TPRX1: variants seen among roughly 807,000 people sequenced by gnomAD.
The protein encoded by TPRX1 is tetra-peptide repeat homeobox protein 1.
Under a neutral mutation model 8.1 loss-of-function variants are expected in TPRX1, and 2 were observed. The observed-to-expected ratio is 0.25, with a 90% CI of 0.10 to 0.78. TPRX1 has a LOEUF of 0.78. Ranked by LOEUF, TPRX1 falls within the 30% of genes least tolerant of loss-of-function variation. The pLI is 0.70. For synonymous variants in TPRX1, 257 were observed against 254.1 expected (o/e 1.01, Z -0.11); for missense variants, 517 against 586.9 (o/e 0.88, Z 1.23).
exon 4 of TPRX1, chr19:47,802,100 G>A (rs77144450): frequency 0.048 from 76,855 of 1,589,378 alleles, 2,212 homozygotes; most frequent in East Asian, 0.093. Context: ...GCCTAAAATC[G>A]GGGCTAGGCC....
intron 2 of TPRX1, chr19:47,818,455 A>AAC (rs1304583810): frequency 4.4e-6 from 2 of 455,686 alleles, no homozygotes; most frequent in Admixed American, 2.4e-5. Flanking sequence ...ACATTTATTG[A>AAC]ACACACACTT....
At chr19:47,808,090 C>T (rs1032837392) in intron 2 of TPRX1, among the ~76,000 whole-genome samples, 2 of 151,358 alleles carry the variant, frequency 1.3e-5, no homozygotes, top group South Asian at 2.1e-4. Context: ...CCACCATGTC[C>T]GGGTAATTTT....
chr19:47,817,872 G>T (rs562247072), intron 2 of TPRX1, among the ~76,000 whole-genome samples: 1 of 152,326 alleles, frequency 6.6e-6, no homozygotes, highest in East Asian at 1.9e-4. Flanking sequence ...CCATGTTCAG[G>T]GCCCTCCCTT....
intron 1 of TPRX1, chr19:47,818,648 C>A: frequency 2.3e-6 from 1 of 430,862 alleles, no homozygotes; most frequent in Non-Finnish European, 4.7e-6. Flanking sequence ...GCACCCCCAT[C>A]CTGCAGTAGA....
intron 2 of TPRX1, among the ~76,000 whole-genome samples, chr19:47,815,154 ATATATATAT>A (rs1568617429): frequency 9.4e-5 from 8 of 85,484 alleles, no homozygotes; most frequent in African/African-American, 3.1e-4. Context: ...GCAAATATAT[ATATATATAT>A]TTTTTTTTTT....
At chr19:47,810,344 A>ATTTTTT (rs762098389) in intron 2 of TPRX1, among the ~76,000 whole-genome samples, 3 of 93,346 alleles carry the variant, frequency 3.2e-5, no homozygotes, top group Non-Finnish European at 6.6e-5. Flanking sequence ...TTATCCATCA[A>ATTTTTT]TTTTTTTTTT....
At chr19:47,818,335 AT>A (rs1427682834) in intron 2 of TPRX1, 6,912 of 316,668 alleles carry the variant, frequency 0.022, 1,204 homozygotes, top group African/African-American at 0.2. Context: ...CCATCCATCC[AT>A]CCATCATCCA....
intron 2 of TPRX1, among the ~76,000 whole-genome samples, chr19:47,808,037 C>T (rs1350665731): frequency 2.0e-5 from 3 of 152,128 alleles, no homozygotes; most frequent in Non-Finnish European, 4.4e-5. Context: ...TTAAGCGATC[C>T]TGCAACCTCA....
At chr19:47,809,866 G>C (rs1967766796) in intron 2 of TPRX1, among the ~76,000 whole-genome samples, 1 of 152,050 alleles carries the variant, frequency 6.6e-6, no homozygotes, top group African/African-American at 2.4e-5. Flanking sequence ...CAAATTCCTA[G>C]AGTCAGGTGG....
exon 4 of TPRX1, chr19:47,802,211 C>A: frequency 6.2e-7 from 1 of 1,610,924 alleles, no homozygotes; most frequent in Non-Finnish European, 8.5e-7. Flanking sequence ...GGGAATCGGG[C>A]CTATAATTGG....
At chr19:47,807,583 G>C (rs1967746405) in intron 2 of TPRX1, among the ~76,000 whole-genome samples, 1 of 152,106 alleles carries the variant, frequency 6.6e-6, no homozygotes, top group African/African-American at 2.4e-5. Context: ...ATGTTAGCCA[G>C]GCTAGTCTCG....
chr19:47,818,366 A>AC (rs755790012), intron 2 of TPRX1: 18 of 227,838 alleles, frequency 7.9e-5, no homozygotes, highest in African/African-American at 6.7e-4. Flanking sequence ...CCATCCATCC[A>AC]TCATCCATCA....
intron 2 of TPRX1, among the ~76,000 whole-genome samples, chr19:47,808,450 G>A (rs189617785): frequency 6.7e-6 from 1 of 149,754 alleles, no homozygotes; most frequent in East Asian, 2.0e-4. Flanking sequence ...TATTGAGACC[G>A]AGTCTCGATC....
At chr19:47,808,306 G>A (rs976196737) in intron 2 of TPRX1, among the ~76,000 whole-genome samples, 3 of 151,922 alleles carry the variant, frequency 2.0e-5, no homozygotes, top group African/African-American at 7.3e-5. Context: ...GTAGAGACGG[G>A]GTTTCACTGT....
intron 2 of TPRX1, among the ~76,000 whole-genome samples, chr19:47,815,675 G>A (rs1967833683): frequency 6.8e-6 from 1 of 147,696 alleles, no homozygotes; most frequent in Admixed American, 6.7e-5. Context: ...AAGCAGGTGT[G>A]GTGGTGTGCA....
At chr19:47,817,251 A>G (rs1354063299) in intron 2 of TPRX1, among the ~76,000 whole-genome samples, 6 of 152,190 alleles carry the variant, frequency 3.9e-5, no homozygotes, top group African/African-American at 1.4e-4. Context: ...CATGAACCAC[A>G]GACCTTGGGA....
intron 2 of TPRX1, among the ~76,000 whole-genome samples, chr19:47,818,313 C>A (rs1967865679): frequency 2.1e-5 from 1 of 46,832 alleles, no homozygotes; most frequent in Non-Finnish European, 3.9e-5. Flanking sequence ...CATCCATCAC[C>A]CATCCATCCA....
chr19:47,818,095 C>T (rs980100031), intron 2 of TPRX1, among the ~76,000 whole-genome samples: 1 of 152,238 alleles, frequency 6.6e-6, no homozygotes, highest in African/African-American at 2.4e-5. Context: ...ACAGTCTGAC[C>T]TCACAGTGCT....
At chr19:47,817,929 C>G (rs1484238720) in intron 2 of TPRX1, among the ~76,000 whole-genome samples, 2 of 152,246 alleles carry the variant, frequency 1.3e-5, no homozygotes, top group Non-Finnish European at 2.9e-5. Context: ...GCTCCTCTGT[C>G]CAGTGAGGAC....
Sources: allele counts gnomAD v4.1 joint callset (sites outside exome capture counted in the v4.1 genomes callset), GRCh38; gene constraint gnomAD v4.1.1; transcripts MANE v1.5; gene names NCBI Gene and HGNC (gene_info 2026-07-23, HGNC 2026-07-21).